SLC36A4: variants seen among roughly 807,000 people sequenced by gnomAD.
SLC36A4 encodes the protein neutral amino acid uniporter 4.
A neutral mutation model predicts 50.5 loss-of-function variants in SLC36A4; 49 were observed. The observed-to-expected ratio is 0.97, with a 90% CI of 0.77 to 1.23. SLC36A4 has a LOEUF of 1.23. SLC36A4 is among the 50% of genes most tolerant of loss of function. The pLI, the probability that SLC36A4 is intolerant of heterozygous loss-of-function variation, is 0.00. For missense variants in SLC36A4, 611 were observed against 608.4 expected (o/e 1.00, Z -0.05); for synonymous variants, 207 against 206.5 (o/e 1.00, Z -0.02).
Position 93,197,913 on chromosome 11 carries a change from C to T in SLC36A4, c.-81G>A. 1 of 1,367,914 alleles carries T rather than the reference C, an allele frequency of 7.3e-7. No homozygotes were observed. Among genetic ancestry groups the T allele is most frequent in the Non-Finnish European group, 9.5e-7 (1 of 1,048,688 alleles). 84.7% of individuals were successfully genotyped at this position (1,367,914 alleles called of 1,614,324 possible). On this transcript the variant is annotated 5_prime_UTR_variant, in exon 1 of 11. Coordinates refer to ENST00000326402, the MANE Select transcript of SLC36A4 (RefSeq NM_152313.4). Reference sequence around the variant, plus strand: ...TGGCCGGCGTCAGGCCCAGGCCTACCTCCCCTGCCCGGAGGGACCCGCGCC... The same window carrying T: ...TGGCCGGCGTCAGGCCCAGGCCTACTTCCCCTGCCCGGAGGGACCCGCGCC...
intron 6 of SLC36A4, chr11:93,180,432 T>G: frequency 1.6e-6 from 1 of 615,956 alleles, no homozygotes; most frequent in Non-Finnish European, 2.0e-6. Flanking sequence ...TTACTTGATT[T>G]TTTAGCCTAC....
chr11:93,177,535 G>A lies in SLC36A4; in HGVS notation c.540+3262C>T, dbSNP rs572521454. On this transcript the variant is annotated intron_variant, in intron 6 of 10. Coordinates refer to ENST00000326402, the MANE Select transcript of SLC36A4 (RefSeq NM_152313.4). ...TCCTTTGGCCTTTGAGGATGGTAAC[G>A]TACAGATGGGGTTTTGGTGTGGATG... Among the ~76,000 whole-genome samples, 5 of 152,212 alleles carry A rather than the reference G, an allele frequency of 3.3e-5. No homozygotes were observed. In the South Asian group the frequency reaches 1.0e-3, roughly 32 times the overall value.
At chr11:93,165,176 G>A (rs4753436) in intron 8 of SLC36A4, among the ~76,000 whole-genome samples, 96,337 of 151,966 alleles carry the variant, frequency 0.63, 31,194 homozygotes, top group East Asian at 0.81. Flanking sequence ...TCTGGGGTTA[G>A]TATAAATAGA....
intron 10 of SLC36A4, among the ~76,000 whole-genome samples, chr11:93,153,023 C>G (rs950390439): frequency 2.6e-5 from 4 of 151,994 alleles, no homozygotes; most frequent in Non-Finnish European, 5.9e-5. Flanking sequence ...TAAGTAATTA[C>G]TTCGAAAAAT....
intron 6 of SLC36A4, chr11:93,172,044 A>T (rs1459280483): frequency 6.6e-6 from 1 of 152,106 alleles, no homozygotes; most frequent in East Asian, 1.9e-4. Context: ...CCTGTGTCTG[A>T]TGGTTTACAG....
At position 93,166,202 on chromosome 11, in the gene SLC36A4, T is replaced by C. The variant is rs1008011659; in HGVS notation, c.769-186A>G. On this transcript the variant is annotated intron_variant, in intron 7 of 10. Transcript: ENST00000326402. ...TGTAGCCAAGCTGTTAGGATTTCAC[T>C]GCCAAAAGCAATTGTTTCCCTCATG... 1.9e-5 allele frequency: 25 copies of C among 1,334,868 alleles called. No homozygotes were observed. In the South Asian group the frequency reaches 4.3e-4, roughly 23 times the overall value. The allele number at this position is 1,334,868 out of a possible 1,614,324, so 82.7% of individuals were successfully genotyped here. A position where few individuals can be genotyped will look rare whatever the true frequency, so the allele number is the denominator to read the frequency against.
chr11:93,187,975 G>C (rs573785495), intron 1 of SLC36A4, among the ~76,000 whole-genome samples: 1 of 152,204 alleles, frequency 6.6e-6, no homozygotes, highest in Admixed American at 6.5e-5. Flanking sequence ...CTGTTTAGAC[G>C]TTTAACAGTT....
chr11:93,184,465 C>T lies in SLC36A4; in HGVS notation c.235G>A (p.Gly79Arg), dbSNP rs775026211. The change falls in exon 3 of 11, where the codon GGA becomes AGA. Residue 79 changes from glycine (G) to arginine (R), a missense_variant. Gly to Arg is a moderately radical substitution (Grantham distance 125). Transcript: ENST00000326402. Reference sequence around the variant, plus strand: ...GCATTTTTTATTGCCAATGGAAGTCCTAAAAGGCCAGTTCCAATATTTCCT... The same window carrying T: ...GCATTTTTTATTGCCAATGGAAGTCTTAAAAGGCCAGTTCCAATATTTCCT... ...LKGNIGTGLL[G>R]LPLAIKNAGI... 8 of 1,611,926 alleles carry T rather than the reference C, an allele frequency of 5.0e-6. 1 individual carries two copies. The South Asian group carries it at 8.8e-5, about 18-fold the overall frequency.
At chr11:93,156,371 C>T (rs911272651) in intron 9 of SLC36A4, among the ~76,000 whole-genome samples, 2 of 151,786 alleles carry the variant, frequency 1.3e-5, no homozygotes, top group Non-Finnish European at 2.9e-5. Context: ...CTGTTGGCGG[C>T]ATGTATGTCT....
chr11:93,144,733 A>C lies in SLC36A4; in HGVS notation c.*3804T>G, dbSNP rs1026462338. The C allele has an allele frequency of 4.6e-5, 7 of 152,074 alleles. No individual in the cohort carries two copies. Among genetic ancestry groups the C allele is most frequent in the Non-Finnish European group, 2.9e-5 (2 of 67,988 alleles). The allele number at this position is 152,074 out of a possible 1,614,324, so 9.4% of individuals were successfully genotyped here. The stretch of plus-strand genomic sequence containing the variant: ...ACAAGACTAACCATAATGCTGCCAA[A>C]GTATTAACTATTACAGCCAGGAATT... On this transcript the variant is annotated 3_prime_UTR_variant, in exon 11 of 11. Coordinates refer to ENST00000326402, the MANE Select transcript of SLC36A4 (RefSeq NM_152313.4).
chr11:93,148,444 A>G lies in SLC36A4; in HGVS notation c.*93T>C. On this transcript the variant is annotated 3_prime_UTR_variant, in exon 11 of 11. Coordinates refer to ENST00000326402, the MANE Select transcript of SLC36A4 (RefSeq NM_152313.4). ...CGTGCCAAAGAAAACAGAGTTTGTT[A>G]CCATTTTTATGTATATAGCAATGTA... 1 of 1,090,162 alleles carries G rather than the reference A, an allele frequency of 9.2e-7. No homozygotes were observed. Among genetic ancestry groups the G allele is most frequent in the Non-Finnish European group, 1.4e-6 (1 of 739,690 alleles). 67.5% of individuals were successfully genotyped at this position (1,090,162 alleles called of 1,614,324 possible).
chr11:93,180,693 G>T, intron 6 of SLC36A4, 104 bp downstream of exon 6: 1 of 794,960 alleles, frequency 1.3e-6, no homozygotes, highest in East Asian at 2.7e-5. Flanking sequence ...ATTTATGAAA[G>T]GAACACATTT....
chr11:93,184,654 G>A, intron 2 of SLC36A4, 134 bp from the exon 3 acceptor site: 1 of 594,664 alleles, frequency 1.7e-6, no homozygotes. Flanking sequence ...TCCCACCACT[G>A]GGCCAGAAGT....
At chr11:93,197,676 C>T (rs1353822584) in intron 1 of SLC36A4, 102 bp downstream of exon 1, 6 of 1,305,474 alleles carry the variant, frequency 4.6e-6, no homozygotes, top group Non-Finnish European at 6.3e-6. Flanking sequence ...CGGGCCTCAA[C>T]TCAGGCCAAG....
intron 1 of SLC36A4, among the ~76,000 whole-genome samples, chr11:93,188,115 A>G (rs568202960): frequency 6.6e-6 from 1 of 152,312 alleles, no homozygotes; most frequent in Non-Finnish European, 1.5e-5. Context: ...AGCAGCAACA[A>G]AAATTTTCTG....
intron 10 of SLC36A4, among the ~76,000 whole-genome samples, chr11:93,150,331 C>T (rs773989942): frequency 5.9e-5 from 9 of 151,982 alleles, no homozygotes; most frequent in Non-Finnish European, 1.2e-4. Context: ...GCTTGCAGTA[C>T]AATGGTTTCT....
At chr11:93,149,203 G>C (rs1859964987) in intron 10 of SLC36A4, among the ~76,000 whole-genome samples, 1 of 152,020 alleles carries the variant, frequency 6.6e-6, no homozygotes, top group African/African-American at 2.4e-5. Flanking sequence ...GACATAGAGT[G>C]GTGGGACATA....
intron 6 of SLC36A4, among the ~76,000 whole-genome samples, chr11:93,174,347 G>A (rs1861344125): frequency 6.6e-6 from 1 of 151,194 alleles, no homozygotes; most frequent in South Asian, 2.1e-4. Flanking sequence ...GAGATTTTGG[G>A]CTGAGACAAT....
At chr11:93,173,514 C>G (rs1224420471) in intron 6 of SLC36A4, among the ~76,000 whole-genome samples, 1 of 149,294 alleles carries the variant, frequency 6.7e-6, no homozygotes, top group African/African-American at 2.5e-5. Context: ...GACATGAAGT[C>G]CTTGCACATG....
Sources: gnomAD v4.1 joint callset for allele counts (sites outside exome capture counted in the v4.1 genomes callset) on GRCh38, gnomAD v4.1.1 for gene constraint, MANE v1.5 for transcripts, NCBI Gene and HGNC (gene_info 2026-07-23, HGNC 2026-07-21) for gene names.